CCDC57: variants seen among roughly 807,000 people sequenced by gnomAD.
The protein encoded by CCDC57 is coiled-coil domain containing 57, also known as coiled-coil domain-containing protein 57.
A neutral mutation model predicts 118.9 loss-of-function variants in CCDC57; 118 were observed. The ratio of observed to expected loss-of-function variants is 0.99; its 90% CI spans 0.86 to 1.16. CCDC57 has a LOEUF of 1.16. CCDC57 is among the 50% of genes most tolerant of loss of function. The pLI, the probability that CCDC57 is intolerant of heterozygous loss-of-function variation, is 0.00. For missense variants in CCDC57, 1,300 were observed against 1,320.7 expected (o/e 0.98, Z 0.24); for synonymous variants, 527 against 532.9 (o/e 0.99, Z 0.15).
At chr17:82,205,319 C>T (rs913594248) in intron 2 of CCDC57, among the ~76,000 whole-genome samples, 11 of 152,206 alleles carry the variant, frequency 7.2e-5, no homozygotes, top group Admixed American at 1.3e-4. Flanking sequence ...AGCTGCCCTG[C>T]CACTGGGCTT....
At chr17:82,111,275 T>G (rs186494985) in intron 19 of CCDC57, among the ~76,000 whole-genome samples, 1,509 of 150,306 alleles carry the variant, frequency 0.01, 25 homozygotes, top group African/African-American at 0.035. Context: ...TTTTTTTGTA[T>G]TTTTTTTAGT....
chr17:82,205,000 G>T (rs923137610), intron 2 of CCDC57, among the ~76,000 whole-genome samples: 2 of 152,184 alleles, frequency 1.3e-5, no homozygotes, highest in Non-Finnish European at 2.9e-5. Context: ...TCCATCTCAC[G>T]TTGGCACAAC....
chr17:82,133,948 A>C, intron 17 of CCDC57, 125 bp downstream of exon 16: 7 of 935,070 alleles, frequency 7.5e-6, no homozygotes, highest in Non-Finnish European at 1.0e-5. Flanking sequence ...TAATAACTAT[A>C]TCTGGATCCT....
intron 4 of CCDC57, among the ~76,000 whole-genome samples, chr17:82,197,643 C>T (rs1439748274): frequency 6.6e-6 from 1 of 152,170 alleles, no homozygotes; most frequent in East Asian, 1.9e-4. Flanking sequence ...AATGACTGGG[C>T]TACGGGCTGC....
At chr17:82,158,049 C>T (rs572735068) in intron 14 of CCDC57, 101 bp from the exon 14 acceptor site, 79 of 1,458,458 alleles carry the variant, frequency 5.4e-5, no homozygotes, top group African/African-American at 2.1e-4. Context: ...CGGGAAAGAA[C>T]GGGGAGCCCG....
chr17:82,178,486 T>A, exon 11 of CCDC57: 1 of 1,612,148 alleles, frequency 6.2e-7, no homozygotes, highest in East Asian at 2.2e-5. Flanking sequence ...GTGCCCCTGG[T>A]CTGGGGAGCC....
At chr17:82,147,283 T>C (rs2040882125) in intron 16 of CCDC57, among the ~76,000 whole-genome samples, 1 of 111,318 alleles carries the variant, frequency 9.0e-6, no homozygotes, top group African/African-American at 3.5e-5. Flanking sequence ...CAAAGATAGA[T>C]GAATGGATGG....
chr17:82,211,405 T>C (rs2050174107), intron 1 of CCDC57, among the ~76,000 whole-genome samples: 2 of 152,240 alleles, frequency 1.3e-5, no homozygotes, highest in African/African-American at 2.4e-5. Flanking sequence ...GACCAGATCA[T>C]GGGATGATAC....
chr17:82,101,613 TAGGTGAAAGCAC>T, exon 20 of CCDC57: 1 of 1,281,128 alleles, frequency 7.8e-7, no homozygotes, highest in Non-Finnish European at 1.1e-6. Context: ...CCACAACACG[TAGGTGAAAGCAC>T]AGGCACCATG....
At chr17:82,150,589 G>A (rs1227601375) in intron 16 of CCDC57, among the ~76,000 whole-genome samples, 2 of 26,242 alleles carry the variant, frequency 7.6e-5, no homozygotes, top group Non-Finnish European at 1.3e-4. Flanking sequence ...AACCTGACCC[G>A]CACCCAGAAC....
At chr17:82,189,656 C>A (rs1244282031) in intron 7 of CCDC57, among the ~76,000 whole-genome samples, 1 of 152,044 alleles carries the variant, frequency 6.6e-6, no homozygotes, top group African/African-American at 2.4e-5. Flanking sequence ...TCGAGACCAG[C>A]CTGGCCAACA....
intron 11 of CCDC57, among the ~76,000 whole-genome samples, chr17:82,174,908 G>A (rs924892073): frequency 6.6e-6 from 1 of 152,208 alleles, no homozygotes; most frequent in Non-Finnish European, 1.5e-5. Context: ...AGAGAATTTT[G>A]AGCGTTAGCC....
chr17:82,179,876 A>G (rs1453562496), intron 9 of CCDC57, among the ~76,000 whole-genome samples: 2 of 152,222 alleles, frequency 1.3e-5, no homozygotes, highest in African/African-American at 2.4e-5. Context: ...GTCTACAAGG[A>G]AAAAAGAACA....
At chr17:82,181,265 G>C (rs1405664466) in intron 9 of CCDC57, among the ~76,000 whole-genome samples, 2 of 152,240 alleles carry the variant, frequency 1.3e-5, no homozygotes, top group East Asian at 3.8e-4. Context: ...CAGCCAGCAC[G>C]GGGCTCCACG....
At chr17:82,146,313 A>G (rs1256801111) in intron 16 of CCDC57, among the ~76,000 whole-genome samples, 1 of 152,230 alleles carries the variant, frequency 6.6e-6, no homozygotes, top group South Asian at 2.1e-4. Flanking sequence ...TAGGAAAAAA[A>G]TGCAGATAGA....
chr17:82,167,471 C>T lies in CCDC57; in HGVS notation c.1883-4114G>A, dbSNP rs144940646. Among the ~76,000 whole-genome samples, 26 of 152,232 alleles carry T rather than the reference C, an allele frequency of 1.7e-4. No homozygotes were observed. In the East Asian group the frequency reaches 5.0e-3, roughly 29 times the overall value. The stretch of plus-strand genomic sequence containing the variant: ...GTTCAAGCGATTCTCCTGCCTCAGC[C>T]TCCCAAATAGCTGGGATCACAGGTG... On this transcript the variant is annotated intron_variant, in intron 13 of 19. Coordinates refer to ENST00000665763, the Ensembl canonical transcript of CCDC57.
At chr17:82,105,876 C>T (rs1327809817) in intron 19 of CCDC57, among the ~76,000 whole-genome samples, 5 of 152,240 alleles carry the variant, frequency 3.3e-5, no homozygotes, top group Non-Finnish European at 5.9e-5. Flanking sequence ...CTCCAGGGCT[C>T]TGGGCAGTCC....
intron 7 of CCDC57, among the ~76,000 whole-genome samples, chr17:82,190,594 C>A (rs2047546308): frequency 6.7e-6 from 1 of 148,790 alleles, no homozygotes. Flanking sequence ...ACTTGGGAGG[C>A]TGAGGCATGA....
intron 19 of CCDC57, among the ~76,000 whole-genome samples, chr17:82,111,181 T>C (rs574121922): frequency 4.7e-4 from 70 of 150,178 alleles, no homozygotes; most frequent in African/African-American, 1.7e-3. Context: ...CTGCAAGCTC[T>C]GCCTCCTGGG....
Sources: allele counts gnomAD v4.1 joint callset (sites outside exome capture counted in the v4.1 genomes callset), GRCh38; gene constraint gnomAD v4.1.1; transcripts MANE v1.5; gene names NCBI Gene and HGNC (gene_info 2026-07-23, HGNC 2026-07-21).